Variants in MYO1D observed in about 807,000 individuals in gnomAD.
The protein encoded by MYO1D is unconventional myosin-Id.
Under a neutral mutation model 122.0 loss-of-function variants are expected in MYO1D, and 83 were observed. That is an observed-to-expected ratio of 0.68 (90% CI 0.57 to 0.82). The LOEUF (loss-of-function observed/expected upper bound fraction) is 0.82. Ranked by LOEUF, MYO1D falls within the 40% of genes least tolerant of loss-of-function variation. The pLI is 0.00. For synonymous variants in MYO1D, 464 were observed against 446.9 expected (o/e 1.04, Z -0.48); for missense variants, 1,157 against 1,269.5 (o/e 0.91, Z 1.35).
chr17:32,641,092 C>A (rs538329077), intron 19 of MYO1D, among the ~76,000 whole-genome samples: 2 of 120,034 alleles, frequency 1.7e-5, no homozygotes, highest in Admixed American at 9.0e-5. Flanking sequence ...CCCCTCCCCC[C>A]ACCCCACAAC....
chr17:32,544,144 G>A (rs1910942032), intron 21 of MYO1D, among the ~76,000 whole-genome samples: 1 of 148,368 alleles, frequency 6.7e-6, no homozygotes, highest in Non-Finnish European at 1.5e-5. Context: ...TGCCCACACT[G>A]GAGTGCAGTG....
intron 16 of MYO1D, among the ~76,000 whole-genome samples, chr17:32,701,617 C>T (rs752770522): frequency 4.6e-5 from 7 of 152,074 alleles, no homozygotes; most frequent in African/African-American, 9.7e-5. Flanking sequence ...AGCTGAAGTT[C>T]GGTGGCGCAA....
chr17:32,514,559 C>T (rs977490656), intron 21 of MYO1D, among the ~76,000 whole-genome samples: 1 of 152,164 alleles, frequency 6.6e-6, no homozygotes, highest in Admixed American at 6.5e-5. Flanking sequence ...CTAATCCTTG[C>T]TTTGCAAATA....
chr17:32,836,839 G>A (rs944264783), intron 1 of MYO1D, among the ~76,000 whole-genome samples: 3 of 152,108 alleles, frequency 2.0e-5, no homozygotes, highest in South Asian at 2.1e-4. Flanking sequence ...TAGTTTGAAT[G>A]AAGCTACTCT....
At chr17:32,681,692 AG>A (rs1274632907) in intron 16 of MYO1D, among the ~76,000 whole-genome samples, 1 of 150,242 alleles carries the variant, frequency 6.7e-6, no homozygotes, top group Non-Finnish European at 1.5e-5. Flanking sequence ...ATTTTGGAAT[AG>A]GTGTGGTGTG....
chr17:32,609,380 G>A (rs191783837), intron 20 of MYO1D, among the ~76,000 whole-genome samples: 1 of 152,366 alleles, frequency 6.6e-6, no homozygotes, highest in East Asian at 1.9e-4. Flanking sequence ...CTGTGGTAGG[G>A]ACAGACGTGC....
intron 14 of MYO1D, among the ~76,000 whole-genome samples, chr17:32,721,529 A>G (rs1057052246): frequency 3.9e-5 from 6 of 152,220 alleles, no homozygotes; most frequent in Admixed American, 3.9e-4. Context: ...AATTCAATAG[A>G]AAAAGGCAGC....
rs552691834 is a variant in MYO1D at position 32,775,624 on chromosome 17, GC to G, written c.564+239del. ...GAAGCTGGCACACACTCATACCTGT[GC>G]CCCCACCCATTCACACGCATAGCTA... On this transcript the variant is annotated intron_variant, in intron 4 of 21. Transcript: ENST00000318217. Among the ~76,000 whole-genome samples the G allele has an allele frequency of 3.3e-5, 5 of 152,212 alleles. No individual in the cohort carries two copies. The South Asian group carries it at 1.0e-3, about 32-fold the overall frequency.
chr17:32,524,698 G>A (rs1431753048), intron 21 of MYO1D, among the ~76,000 whole-genome samples: 1 of 151,986 alleles, frequency 6.6e-6, no homozygotes, highest in Non-Finnish European at 1.5e-5. Flanking sequence ...GAGTAGCTGG[G>A]ATTACAGGTG....
chr17:32,588,242 G>A (rs1266408193), intron 21 of MYO1D, among the ~76,000 whole-genome samples: 2 of 152,186 alleles, frequency 1.3e-5, no homozygotes, highest in Non-Finnish European at 2.9e-5. Context: ...TGCATGACCT[G>A]AAATGTAGGT....
chr17:32,792,030 G>A (rs986137317), intron 1 of MYO1D, among the ~76,000 whole-genome samples: 1 of 152,104 alleles, frequency 6.6e-6, no homozygotes, highest in Non-Finnish European at 1.5e-5. Context: ...GAGAAAAGCC[G>A]AGTTTTTTAT....
At chr17:32,578,709 C>A (rs1162388651) in intron 21 of MYO1D, among the ~76,000 whole-genome samples, 1 of 152,244 alleles carries the variant, frequency 6.6e-6, no homozygotes, top group Non-Finnish European at 1.5e-5. Context: ...ATCAAAGGGA[C>A]TGCTCTAGGG....
intron 21 of MYO1D, among the ~76,000 whole-genome samples, chr17:32,543,119 G>A (rs960752641): frequency 6.6e-6 from 1 of 151,218 alleles, no homozygotes; most frequent in Non-Finnish European, 1.5e-5. Context: ...CCAGCTACTC[G>A]GGAGGCTGAG....
chr17:32,553,100 AAAC>A lies in MYO1D; in HGVS notation c.2864+51984_2864+51986del, dbSNP rs1434836603. On this transcript the variant is annotated intron_variant, in intron 21 of 21. Transcript: ENST00000318217. ...GACAAAAAAAAAAAAACAAAAAACAAAACAAAAAAAAAAACAAAAAAACCAGCA... is the reference window on the plus strand; with the variant it reads ...GACAAAAAAAAAAAAACAAAAAACAAAAAAAAAAAAACAAAAAAACCAGCA... 3.0e-3 allele frequency among the ~76,000 whole-genome samples: 363 copies of A among 120,590 alleles called. 2 individuals carry two copies. The highest frequency in any genetic ancestry group is 0.014 in the African/African-American group (352 of 24,358). The allele number at this position is 120,590 out of a possible 152,430, so 79.1% of individuals were successfully genotyped here. A position where few individuals can be genotyped will look rare whatever the true frequency, so the allele number is the denominator to read the frequency against.
intron 21 of MYO1D, among the ~76,000 whole-genome samples, chr17:32,557,013 A>C (rs1273178922): frequency 6.6e-6 from 1 of 152,152 alleles, no homozygotes; most frequent in Non-Finnish European, 1.5e-5. Flanking sequence ...CAATTAAAGC[A>C]GTTTAAACTA....
At chr17:32,666,979 A>G (rs973309402) in intron 16 of MYO1D, among the ~76,000 whole-genome samples, 1 of 152,266 alleles carries the variant, frequency 6.6e-6, no homozygotes, top group Admixed American at 6.5e-5. Context: ...ATGAGTCTAC[A>G]TAATGGGGAA....
chr17:32,854,098 C>T (rs529443937), intron 1 of MYO1D, among the ~76,000 whole-genome samples: 50 of 152,116 alleles, frequency 3.3e-4, no homozygotes, highest in Non-Finnish European at 6.9e-4. Context: ...TTTTTACTAG[C>T]AATATCAACA....
chr17:32,649,573 T>C (rs1311472419), intron 19 of MYO1D, among the ~76,000 whole-genome samples: 15 of 130,318 alleles, frequency 1.2e-4, no homozygotes, highest in African/African-American at 1.9e-4. Flanking sequence ...CTTTCTTTTT[T>C]TTTTTTTTTT....
intron 14 of MYO1D, among the ~76,000 whole-genome samples, chr17:32,724,875 T>C (rs1418461661): frequency 3.3e-5 from 5 of 152,118 alleles, no homozygotes; most frequent in East Asian, 1.9e-4. Flanking sequence ...TGAAGAAAAA[T>C]CACATAAACT....
Sources: gnomAD v4.1 joint callset for allele counts (sites outside exome capture counted in the v4.1 genomes callset) on GRCh38, gnomAD v4.1.1 for gene constraint, MANE v1.5 for transcripts, NCBI Gene and HGNC (gene_info 2026-07-23, HGNC 2026-07-21) for gene names.